The following SCP2 variants were observed in gnomAD, a reference collection of about 807,000 sequenced individuals.
SCP2 encodes the protein sterol carrier protein 2.
In SCP2, 48 loss-of-function variants were observed where a neutral mutation model predicts 71.4. That is an observed-to-expected ratio of 0.67 (90% CI 0.53 to 0.86). SCP2 has a LOEUF of 0.86. SCP2 is among the 40% of genes least tolerant of loss of function. The pLI, the probability that SCP2 is intolerant of heterozygous loss-of-function variation, is 0.00. For missense variants in SCP2, 560 were observed against 655.6 expected (o/e 0.85, Z 1.59); for synonymous variants, 220 against 218.1 (o/e 1.01, Z -0.08).
chr1:52,940,121 T>C (rs957021340), intron 1 of SCP2, among the ~76,000 whole-genome samples: 1 of 152,126 alleles, frequency 6.6e-6, no homozygotes, highest in Non-Finnish European at 1.5e-5. Flanking sequence ...AAAAACATTG[T>C]CATCTGGGCA....
At chr1:52,981,439 A>AT (rs199738997) in intron 10 of SCP2, among the ~76,000 whole-genome samples, 3,328 of 143,310 alleles carry the variant, frequency 0.023, 71 homozygotes, top group Middle Eastern at 0.072. Flanking sequence ...TTCATTAATA[A>AT]TTTTTTTTTT....
rs1315416896 is a variant in SCP2, at chr1:52,948,057, A to G, written c.176A>G (p.Gln59Arg). Reference sequence around the variant, plus strand: ...CAGATCCCTTATTCAGCAGTGGACCAGGCATGTGTTGGCTATGTTTTTGGT... The same window carrying G: ...CAGATCCCTTATTCAGCAGTGGACCGGGCATGTGTTGGCTATGTTTTTGGT... ...DAQIPYSAVD[Q>R]ACVGYVFGDS... The change falls in exon 3 of 16, where the codon CAG becomes CGG. Residue 59 changes from glutamine to arginine, a missense_variant. This residue lies in a region of SCP2 where 513 missense variants were observed against 573.1 expected (regional missense o/e 0.90). Transcript: ENST00000371514. The G allele has an allele frequency of 2.5e-6, 4 of 1,612,740 alleles. No individual in the cohort carries two copies. Among genetic ancestry groups the G allele is most frequent in the Non-Finnish European group, 3.4e-6 (4 of 1,178,768 alleles).
intron 5 of SCP2, among the ~76,000 whole-genome samples, chr1:52,961,221 T>C: frequency 6.7e-6 from 1 of 149,462 alleles, no homozygotes. Context: ...ATGCTATCCC[T>C]CCCCCCAACC....
intron 10 of SCP2, among the ~76,000 whole-genome samples, chr1:52,981,695 G>A (rs563301682): frequency 1.3e-5 from 2 of 151,732 alleles, no homozygotes; most frequent in African/African-American, 4.8e-5. Flanking sequence ...GCCTCCCAAA[G>A]TGCTGGGGTT....
At position 52,950,795 on chromosome 1, in the gene SCP2, G is replaced by A; in HGVS notation, c.240G>A (p.Leu80=). ...GGCAGAGGGCTATCTATCACAGTTT[G>A]GGAATGACTGGAATTCCTATAATCA... ...TCGQRAIYHS[L]GMTGIPIINV... Residue 80 remains leucine, a synonymous_variant, in exon 4 of 16, where the codon TTG becomes TTA. Transcript: ENST00000371514. 1 of 1,613,610 alleles carries A rather than the reference G, an allele frequency of 6.2e-7. No individual in the cohort carries two copies. Among genetic ancestry groups the A allele is most frequent in the Non-Finnish European group, 8.5e-7 (1 of 1,179,652 alleles).
chr1:52,953,487 A>G (rs1373247558), intron 4 of SCP2, among the ~76,000 whole-genome samples: 6 of 152,010 alleles, frequency 3.9e-5, no homozygotes, highest in Non-Finnish European at 7.4e-5. Flanking sequence ...TTGGGATCAT[A>G]GGCGTGCGCC....
chr1:52,987,000 ATATATATTT>A (rs1421303354), intron 10 of SCP2, among the ~76,000 whole-genome samples: 1 of 88,956 alleles, frequency 1.1e-5, no homozygotes, highest in African/African-American at 5.8e-5. Context: ...ATATATATAT[ATATATATTT>A]TTTTTTTTTT....
intron 11 of SCP2, among the ~76,000 whole-genome samples, chr1:53,012,733 G>T (rs1449853863): frequency 6.6e-6 from 1 of 152,136 alleles, no homozygotes; most frequent in Non-Finnish European, 1.5e-5. Context: ...TTTAAACTTT[G>T]ACCAGTTCTG....
At chr1:52,942,231 A>G (rs1169343946) in intron 2 of SCP2, among the ~76,000 whole-genome samples, 1 of 152,236 alleles carries the variant, frequency 6.6e-6, no homozygotes, top group East Asian at 1.9e-4. Context: ...CAAATGTATT[A>G]AATACCTGTA....
rs886643132 is a variant in SCP2 at position 53,051,647 on chromosome 1, C to T, written c.*943C>T. On this transcript the variant is annotated 3_prime_UTR_variant, in exon 16 of 16. Transcript: ENST00000371514. ...TTACTGTGTATGTTCTTGCTCAGGG[C>T]TCTCTAGATAATGCAGAATAAAGAG... The T allele has an allele frequency of 3.3e-5, 5 of 152,076 alleles. No individual in the cohort carries two copies. Among genetic ancestry groups the T allele is most frequent in the African/African-American group, 1.2e-4 (5 of 41,408 alleles). The allele number at this position is 152,076 out of a possible 1,614,324, so 9.4% of individuals were successfully genotyped here. A position where few individuals can be genotyped will look rare whatever the true frequency, so the allele number is the denominator to read the frequency against.
At chr1:53,003,042 G>A (rs868170073) in intron 11 of SCP2, among the ~76,000 whole-genome samples, 11 of 152,056 alleles carry the variant, frequency 7.2e-5, no homozygotes, top group African/African-American at 2.7e-4. Flanking sequence ...ACCCATCCTT[G>A]TTTCCATTGC....
At chr1:52,990,974 T>G (rs2150192187) in intron 11 of SCP2, among the ~76,000 whole-genome samples, 1 of 152,246 alleles carries the variant, frequency 6.6e-6, no homozygotes, top group East Asian at 1.9e-4. Flanking sequence ...GCAGATGAGA[T>G]TCAGAAAGAA....
intron 14 of SCP2, among the ~76,000 whole-genome samples, chr1:53,041,200 G>A (rs561108591): frequency 2.0e-5 from 3 of 152,080 alleles, no homozygotes; most frequent in South Asian, 4.2e-4. Context: ...TCAGGAGTTC[G>A]AGACCAGCAT....
At chr1:52,983,910 C>A (rs1430927360) in intron 10 of SCP2, among the ~76,000 whole-genome samples, 1 of 152,122 alleles carries the variant, frequency 6.6e-6, no homozygotes, top group Non-Finnish European at 1.5e-5. Flanking sequence ...TTATATAGAT[C>A]CTTTGGAGAA....
chr1:53,021,375 T>C (rs7540852), intron 12 of SCP2, among the ~76,000 whole-genome samples: 19,927 of 147,364 alleles, frequency 0.14, 1,911 homozygotes, highest in East Asian at 0.32. Context: ...GGAGTGCAGT[T>C]GCGCAATCTT....
At chr1:52,988,432 G>A (rs557307311) in intron 11 of SCP2, among the ~76,000 whole-genome samples, 49 of 152,272 alleles carry the variant, frequency 3.2e-4, no homozygotes, top group African/African-American at 7.2e-4. Context: ...TTTATATGTA[G>A]TTGTATACAT....
chr1:52,948,018 C>A lies in SCP2; in HGVS notation c.137C>A (p.Ala46Asp). ...CCTTTCGTTTTTATAGGCAAGAAGGCTTTAGCTGATGCACAGATCCCTTAT... is the reference window on the plus strand; with the variant it reads ...CCTTTCGTTTTTATAGGCAAGAAGGATTTAGCTGATGCACAGATCCCTTAT... Reference protein sequence around the residue: ...PDLAEEAGKKALADAQIPYSA... With the variant: ...PDLAEEAGKKDLADAQIPYSA... Residue 46 changes from alanine to aspartate, a missense_variant, in exon 3 of 16, where the codon GCT becomes GAT. Ala to Asp is a moderately radical substitution (Grantham distance 126). This residue lies in a region of SCP2 where 513 missense variants were observed against 573.1 expected (regional missense o/e 0.90). Transcript: ENST00000371514. 6.2e-7 allele frequency: 1 copy of A among 1,611,976 alleles called. No homozygotes were observed. The highest frequency in any genetic ancestry group is 8.5e-7 in the Non-Finnish European group (1 of 1,178,172).
intron 2 of SCP2, chr1:52,943,829 C>G (rs1654514326): frequency 4.4e-6 from 2 of 449,460 alleles, no homozygotes; most frequent in Admixed American, 5.1e-5. Context: ...TTTCTTCACC[C>G]CTGCAGTAGA....
In SCP2 at chr1:53,051,380, A is replaced by G. The variant is rs939501253; in HGVS notation, c.*676A>G. 2.0e-5 allele frequency: 3 copies of G among 152,210 alleles called. No homozygotes were observed. The highest frequency in any genetic ancestry group is 7.2e-5 in the African/African-American group (3 of 41,462). 9.4% of individuals were successfully genotyped at this position (152,210 alleles called of 1,614,324 possible). ...ACACCATCATTAAGAATAATTGAAC[A>G]ATAAAGTTTGCTTTCAGATGCAGTT... is the stretch of plus-strand genomic sequence containing the variant. On this transcript the variant is annotated 3_prime_UTR_variant, in exon 16 of 16. Transcript: ENST00000371514.
Sources: allele counts gnomAD v4.1 joint callset (sites outside exome capture counted in the v4.1 genomes callset), GRCh38; gene constraint gnomAD v4.1.1; regional missense constraint gnomAD v4.1.1; transcripts MANE v1.5; gene names NCBI Gene and HGNC (gene_info 2026-07-23, HGNC 2026-07-21).